The following USP6 variants were observed in gnomAD, a reference collection of about 807,000 sequenced individuals.
The protein encoded by USP6 is ubiquitin carboxyl-terminal hydrolase 6.
A neutral mutation model predicts 175.7 loss-of-function variants in USP6; 128 were observed. The ratio of observed to expected loss-of-function variants is 0.73; its 90% CI spans 0.63 to 0.84. The LOEUF (loss-of-function observed/expected upper bound fraction) is 0.84. USP6 is among the 40% of genes least tolerant of loss of function. USP6 has a pLI of 0.00. For synonymous variants in USP6, 562 were observed against 630.6 expected, an observed-to-expected ratio of 0.89 and a Z score of 1.63; for missense variants, 1,498 against 1,760.3, an observed-to-expected ratio of 0.85 and a Z score of 2.67.
chr17:5,140,522 A>T (rs893373402), intron 22 of USP6, among the ~76,000 whole-genome samples: 5 of 152,192 alleles, frequency 3.3e-5, no homozygotes, highest in African/African-American at 1.2e-4. Flanking sequence ...GCAGTGAGCC[A>T]TGATTGTACC....
At position 5,132,206 on chromosome 17, in the gene USP6, C is replaced by A; in HGVS notation, c.156-190C>A. The A allele has an allele frequency of 6.5e-7, 1 of 1,550,006 alleles. No individual in the cohort carries two copies. The highest frequency in any genetic ancestry group is 8.7e-7 in the Non-Finnish European group (1 of 1,146,146). On this transcript the variant is annotated intron_variant, in intron 11 of 37. Coordinates refer to ENST00000574788, the MANE Select transcript of USP6 (RefSeq NM_001304284.2). The surrounding 1 kb of genome is among the most constrained non-coding windows in gnomAD (Gnocchi z 4.7). ...CCAGGCTGTCCCTGCACTCCTTCTTCTCCCAGGTCCTGCCCCTCCTGGGAG... is the reference window on the plus strand; with the variant it reads ...CCAGGCTGTCCCTGCACTCCTTCTTATCCCAGGTCCTGCCCCTCCTGGGAG...
intron 29 of USP6, among the ~76,000 whole-genome samples, chr17:5,147,949 T>A (rs914813382): frequency 1.4e-4 from 22 of 152,182 alleles, no homozygotes; most frequent in Admixed American, 3.3e-4. Flanking sequence ...GGCATCATCT[T>A]GGCTCACTGC....
intron 31 of USP6, among the ~76,000 whole-genome samples, chr17:5,158,610 A>AGG (rs2073938106): frequency 5.0e-4 from 52 of 103,914 alleles, no homozygotes; most frequent in Non-Finnish European, 8.9e-4. Context: ...AGAGAGGGAG[A>AGG]GGGGGAGAGA....
At chr17:5,118,133 T>C (rs1314476193) in intron 1 of USP6, 67 bp from the exon 2 acceptor site, 1 of 152,272 alleles carries the variant, frequency 6.6e-6, no homozygotes, top group Non-Finnish European at 1.5e-5. Flanking sequence ...CATTCACTTA[T>C]TCTACCATAG....
At position 5,162,920 on chromosome 17, in the gene USP6, CAG is replaced by C. The variant is rs2074032200; in HGVS notation, c.2955_2956del (p.Arg985SerfsTer31). On this transcript the variant is annotated frameshift_variant, in exon 33 of 38. Transcript: ENST00000574788. LOFTEE classifies it high-confidence loss of function. ...RGCKIDCGEDRAFIGNAYIAV... is the reference protein window; with the variant it reads ...RGCKIDCGEDXAFIGNAYIAV... ...GCTGTAAAATTGATTGTGGGGAAGA[CAG>C]AGCTTTCATTGGAAATGCCTATATT... 1 of 1,607,518 alleles carries C rather than the reference CAG, an allele frequency of 6.2e-7. No individual in the cohort carries two copies. The highest frequency in any genetic ancestry group is 1.3e-5 in the African/African-American group (1 of 74,512).
chr17:5,137,673 G>A lies in USP6; in HGVS notation c.848G>A (p.Arg283His), dbSNP rs762986881. The change falls in exon 20 of 38, where the codon CGC becomes CAC. Residue 283 changes from arginine (R) to histidine (H), a missense_variant. Arg to His is a conservative substitution (Grantham distance 29, BLOSUM62 0). Around this residue, in one of 2 missense-constraint regions of USP6, gnomAD observed 1,217 missense variants for 1,500.8 expected, o/e 0.81. Transcript: ENST00000574788. ...IDGISLGLTL[R>H]LWDVYLVEGE... ...CAGATCTCTCTCGGGCTCACCCTGCGCCTGTGGGACGTGTATTTGGTGGAA... is the reference window on the plus strand; with the variant it reads ...CAGATCTCTCTCGGGCTCACCCTGCACCTGTGGGACGTGTATTTGGTGGAA... 2.3e-5 allele frequency: 37 copies of A among 1,606,398 alleles called. No individual in the cohort carries two copies. Among genetic ancestry groups the A allele is most frequent in the African/African-American group, 9.4e-5 (7 of 74,762 alleles).
chr17:5,162,526 C>T (rs2074024630), intron 32 of USP6, among the ~76,000 whole-genome samples: 1 of 152,172 alleles, frequency 6.6e-6, no homozygotes, highest in African/African-American at 2.4e-5. Context: ...ATAAATTGTC[C>T]TACCTCAGAG....
chr17:5,162,904 T>C lies in USP6; in HGVS notation c.2936T>C (p.Ile979Thr), dbSNP rs1301063759. The C allele has an allele frequency of 1.9e-6, 3 of 1,606,162 alleles. No homozygotes were observed. Among genetic ancestry groups the C allele is most frequent in the Admixed American group, 1.7e-5 (1 of 58,016 alleles). Residue 979 changes from isoleucine (I) to threonine (T), a missense_variant, in exon 33 of 38, where the codon ATT becomes ACT. Ile to Thr is a moderately conservative substitution (Grantham distance 89, BLOSUM62 -1). Coordinates refer to ENST00000574788, the MANE Select transcript of USP6 (RefSeq NM_001304284.2). ...PQYRFCRGCK[I>T]DCGEDRAFIG... ...TTTAGATTTTGCAGAGGCTGTAAAA[T>C]TGATTGTGGGGAAGACAGAGCTTTC...
At chr17:5,121,189 T>C (rs2072652725) in intron 3 of USP6, among the ~76,000 whole-genome samples, 186 bp from the exon 4 acceptor site, 2 of 152,208 alleles carry the variant, frequency 1.3e-5, no homozygotes, top group Middle Eastern at 3.4e-3. Flanking sequence ...GGGTAAGAAA[T>C]GCAAACAACC....
chr17:5,142,064 A>G lies in USP6; in HGVS notation c.1635A>G (p.Ser545=), dbSNP rs147214310. 2.5e-6 allele frequency: 4 copies of G among 1,613,782 alleles called. No homozygotes were observed. In the African/African-American group the frequency reaches 4.0e-5, roughly 16 times the overall value. The change falls in exon 24 of 38, where the codon TCA becomes TCG. Residue 545 remains serine (S), a synonymous_variant. Transcript: ENST00000574788. The part of the protein sequence containing the change: ...SNLGNTCFMN[S]SIQCVSNTQP... ...TGGGAAACACATGCTTCATGAACTCAAGCATCCAGTGCGTTAGTAACACAC... is the reference window on the plus strand; with the variant it reads ...TGGGAAACACATGCTTCATGAACTCGAGCATCCAGTGCGTTAGTAACACAC...
At chr17:5,171,781 TG>T (rs1457183607) in intron 37 of USP6, 102 bp downstream of exon 37, 46 of 1,267,572 alleles carry the variant, frequency 3.6e-5, no homozygotes, top group Middle Eastern at 1.9e-4. Context: ...TAGATATTTC[TG>T]TTAGAATTAA....
chr17:5,142,604 G>A lies in USP6; in HGVS notation c.1818+102G>A, dbSNP rs549886856. 4.3e-5 allele frequency: 62 copies of A among 1,443,576 alleles called. 1 individual carries two copies. In the South Asian group the frequency reaches 7.2e-4, roughly 17 times the overall value. 89.4% of individuals were successfully genotyped at this position (1,443,576 alleles called of 1,614,324 possible). On this transcript the variant is annotated intron_variant, in intron 25 of 37. Coordinates refer to ENST00000574788, the MANE Select transcript of USP6 (RefSeq NM_001304284.2). ...TGTTTAGCCTTTTAGCTTAATGAAC[G>A]TTTTTGGATCCTTTACTTGGTATAA... is the stretch of plus-strand genomic sequence containing the variant.
At position 5,155,501 on chromosome 17, in the gene USP6, C is replaced by T; in HGVS notation, c.2723C>T (p.Thr908Ile). 6.2e-7 allele frequency: 1 copy of T among 1,614,150 alleles called. No homozygotes were observed. The highest frequency in any genetic ancestry group is 8.5e-7 in the Non-Finnish European group (1 of 1,180,034). Residue 908 changes from threonine (T) to isoleucine (I), a missense_variant, in exon 31 of 38, where the codon ACT becomes ATT. By Grantham distance (89) the Thr-to-Ile change is moderately conservative. Around this residue, in one of 2 missense-constraint regions of USP6, gnomAD observed 1,217 missense variants for 1,500.8 expected, o/e 0.81. Coordinates refer to ENST00000574788, the MANE Select transcript of USP6 (RefSeq NM_001304284.2). Reference sequence around the variant, plus strand: ...GGAATGCCATTGATTGTTCCATGCACTGTGCATACCCGGAAGAAAGACCTA... The same window carrying T: ...GGAATGCCATTGATTGTTCCATGCATTGTGCATACCCGGAAGAAAGACCTA... ...LFGMPLIVPC[T>I]VHTRKKDLYD...
chr17:5,120,539 C>T (rs1597952540), intron 2 of USP6, 88 bp from the exon 3 acceptor site: 3 of 351,774 alleles, frequency 8.5e-6, no homozygotes, highest in Non-Finnish European at 1.7e-5. Flanking sequence ...CTGTCATCTG[C>T]ACCTGTCTCT....
chr17:5,171,459 G>T, intron 36 of USP6, 128 bp from the exon 37 acceptor site: 1 of 862,078 alleles, frequency 1.2e-6, no homozygotes, highest in Non-Finnish European at 1.6e-6. Context: ...GAGAAAGAGG[G>T]TTCTAAAATA....
At chr17:5,149,850 A>G (rs1274090518) in intron 30 of USP6, among the ~76,000 whole-genome samples, 4 of 152,144 alleles carry the variant, frequency 2.6e-5, no homozygotes, top group Non-Finnish European at 5.9e-5. Flanking sequence ...GTCAGTGGAT[A>G]ATTGTTAAAG....
rs2072881512 is a variant in USP6, at chr17:5,125,918, G to A, written c.-494G>A. On this transcript the variant is annotated 5_prime_UTR_variant, in exon 6 of 38. Transcript: ENST00000574788. ...AGCCTCCCGAGTAGCTGGGACTACA[G>A]GCATGTGCCACCATGCCTGGGTAAT... 1 of 152,204 alleles carries A rather than the reference G, an allele frequency of 6.6e-6. No individual in the cohort carries two copies. Among genetic ancestry groups the A allele is most frequent in the Non-Finnish European group, 1.5e-5 (1 of 68,100 alleles). The allele number at this position is 152,204 out of a possible 1,614,324, so 9.4% of individuals were successfully genotyped here.
intron 20 of USP6, 94 bp from the exon 21 acceptor site, chr17:5,138,027 G>A (rs1598018130): frequency 7.5e-6 from 12 of 1,599,320 alleles, no homozygotes; most frequent in Admixed American, 3.4e-5. Flanking sequence ...AAAAGGATTC[G>A]GCACCGCCCA....
intron 23 of USP6, among the ~76,000 whole-genome samples, chr17:5,141,797 G>T (rs2073454882): frequency 6.6e-6 from 1 of 152,086 alleles, no homozygotes; most frequent in South Asian, 2.1e-4. Flanking sequence ...TGCTGCTTCT[G>T]GGTTACAAAT....
Sources: allele counts gnomAD v4.1 joint callset (sites outside exome capture counted in the v4.1 genomes callset), GRCh38; gene constraint gnomAD v4.1.1; regional missense constraint gnomAD v4.1.1; non-coding constraint Gnocchi (gnomAD v3.1); transcripts MANE v1.5; gene names NCBI Gene and HGNC (gene_info 2026-07-23, HGNC 2026-07-21).